PACRG: variants seen among roughly 807,000 people sequenced by gnomAD.
The protein encoded by PACRG is parkin coregulated.
PACRG carries 29 observed loss-of-function variants against 29.7 expected under a neutral mutation model. The ratio of observed to expected loss-of-function variants is 0.98; its 90% CI spans 0.73 to 1.33. PACRG has a LOEUF of 1.33. Ranked by LOEUF, PACRG falls within the 40% of genes most tolerant of loss-of-function variation. The pLI, the probability that PACRG is intolerant of heterozygous loss-of-function variation, is 0.00. For synonymous variants in PACRG, 116 were observed against 118.7 expected, an observed-to-expected ratio of 0.98 and a Z score of 0.15; for missense variants, 279 against 316.2, an observed-to-expected ratio of 0.88 and a Z score of 0.89.
chr6:163,162,510 C>T (rs1267765599), intron 4 of PACRG, among the ~76,000 whole-genome samples: 2 of 152,238 alleles, frequency 1.3e-5, no homozygotes, highest in Non-Finnish European at 2.9e-5. Context: ...ATTTCTTCCT[C>T]TCCTGCTCCA....
At chr6:163,126,837 G>C (rs1816535096) in intron 4 of PACRG, among the ~76,000 whole-genome samples, 2 of 152,204 alleles carry the variant, frequency 1.3e-5, no homozygotes, top group Admixed American at 1.3e-4. Context: ...TTCTTGTTTT[G>C]CTCAGCTCTG....
intron 4 of PACRG, among the ~76,000 whole-genome samples, chr6:163,171,679 C>T (rs1779093757): frequency 6.6e-6 from 1 of 152,212 alleles, no homozygotes; most frequent in African/African-American, 2.4e-5. Flanking sequence ...CTTCCATCAG[C>T]TGTGGCCAGC....
At chr6:162,827,071 G>C (rs188490410) in intron 2 of PACRG, among the ~76,000 whole-genome samples, 4 of 152,078 alleles carry the variant, frequency 2.6e-5, no homozygotes, top group African/African-American at 9.6e-5. Flanking sequence ...AGAGTTGCTT[G>C]GGTAATGATT....
chr6:163,053,711 A>G (rs2128250675), intron 2 of PACRG, among the ~76,000 whole-genome samples: 1 of 152,314 alleles, frequency 6.6e-6, no homozygotes, highest in Non-Finnish European at 1.5e-5. Flanking sequence ...AAGTTGTAGA[A>G]TACATAAATT....
intron 4 of PACRG, chr6:163,166,297 G>C (rs1369701620): frequency 9.2e-6 from 4 of 432,922 alleles, no homozygotes; most frequent in South Asian, 4.9e-5. Flanking sequence ...ATGTAGATTA[G>C]AATCGGCCCT....
intron 1 of PACRG, among the ~76,000 whole-genome samples, chr6:162,739,547 T>A (rs1427039506): frequency 6.6e-6 from 1 of 152,142 alleles, no homozygotes; most frequent in African/African-American, 2.4e-5. Context: ...TTGGTGTTTT[T>A]AAAAAATTTT....
intron 2 of PACRG, among the ~76,000 whole-genome samples, chr6:162,833,687 T>G (rs1788974017): frequency 6.6e-6 from 1 of 152,086 alleles, no homozygotes; most frequent in Non-Finnish European, 1.5e-5. Context: ...TCATGTCTTT[T>G]GCCCACTTTT....
intron 4 of PACRG, among the ~76,000 whole-genome samples, chr6:163,237,307 A>G (rs1215303990): frequency 1.3e-5 from 2 of 152,156 alleles, no homozygotes; most frequent in Non-Finnish European, 2.9e-5. Flanking sequence ...TGATTGTTCC[A>G]TAAAATATAT....
chr6:163,037,370 G>A (rs1172265704), intron 2 of PACRG, among the ~76,000 whole-genome samples: 1 of 152,182 alleles, frequency 6.6e-6, no homozygotes, highest in Non-Finnish European at 1.5e-5. Context: ...GAGCTCCAAG[G>A]TCCTCTTCAC....
At chr6:162,852,005 G>GAGGAAGGAA (rs1554291944) in intron 2 of PACRG, among the ~76,000 whole-genome samples, 5 of 116,032 alleles carry the variant, frequency 4.3e-5, no homozygotes, top group Non-Finnish European at 8.9e-5. Context: ...GGGAGGGAGG[G>GAGGAAGGAA]AGGAAGGAAG....
At chr6:163,019,708 T>G (rs554434320) in intron 2 of PACRG, among the ~76,000 whole-genome samples, 89 of 152,330 alleles carry the variant, frequency 5.8e-4, no homozygotes, top group African/African-American at 2.1e-3. Flanking sequence ...GCCTTATATT[T>G]TAAGGACCAT....
In PACRG at chr6:163,294,733, G is replaced by A. The variant is rs530114965; in HGVS notation, c.614-20094G>A. ...GATAACTTGAAAGCTATAGATGGAT[G>A]ATAGATTAGCTAGATAATAATAGAG... On this transcript the variant is annotated intron_variant, in intron 4 of 4. Transcript: ENST00000366888. Among the ~76,000 whole-genome samples the A allele has an allele frequency of 2.0e-5, 3 of 152,320 alleles. No homozygotes were observed. In the South Asian group the frequency reaches 6.2e-4, roughly 32 times the overall value.
At chr6:163,079,418 A>AG (rs928896671) in intron 3 of PACRG, among the ~76,000 whole-genome samples, 47 of 151,764 alleles carry the variant, frequency 3.1e-4, no homozygotes, top group Non-Finnish European at 2.9e-4. Flanking sequence ...AAAAAAAAAA[A>AG]AAAGAAAGAA....
At chr6:162,977,326 C>A (rs1284802784) in intron 2 of PACRG, among the ~76,000 whole-genome samples, 1 of 151,696 alleles carries the variant, frequency 6.6e-6, no homozygotes, top group African/African-American at 2.4e-5. Flanking sequence ...TGTAAAAGTC[C>A]TTCTTCTGAA....
At chr6:163,040,671 A>C (rs1346711815) in intron 2 of PACRG, among the ~76,000 whole-genome samples, 1 of 152,166 alleles carries the variant, frequency 6.6e-6, no homozygotes, top group African/African-American at 2.4e-5. Flanking sequence ...GAGATTTTGG[A>C]GCTTTAAAAT....
intron 1 of PACRG, among the ~76,000 whole-genome samples, chr6:162,763,905 A>T (rs183797846): frequency 6.6e-6 from 1 of 152,302 alleles, no homozygotes; most frequent in East Asian, 1.9e-4. Flanking sequence ...ATGTATTTTT[A>T]AAAACTCGAC....
intron 2 of PACRG, among the ~76,000 whole-genome samples, chr6:162,831,586 C>T (rs1329992777): frequency 6.6e-6 from 1 of 152,138 alleles, no homozygotes; most frequent in Non-Finnish European, 1.5e-5. Flanking sequence ...TTTGCGGCAC[C>T]TATCAACCCA....
chr6:162,809,028 A>T (rs1188203336), intron 1 of PACRG, among the ~76,000 whole-genome samples: 1 of 151,324 alleles, frequency 6.6e-6, no homozygotes, highest in Non-Finnish European at 1.5e-5. Flanking sequence ...GATTTTTTTT[A>T]TGTACAGATG....
chr6:162,790,514 C>G (rs950442560), intron 1 of PACRG, among the ~76,000 whole-genome samples: 1 of 149,802 alleles, frequency 6.7e-6, no homozygotes, highest in African/African-American at 2.5e-5. Flanking sequence ...ATAGTTTTCT[C>G]CATATATATA....
Sources: gnomAD v4.1 joint callset for allele counts (sites outside exome capture counted in the v4.1 genomes callset) on GRCh38, gnomAD v4.1.1 for gene constraint, MANE v1.5 for transcripts, NCBI Gene and HGNC (gene_info 2026-07-23, HGNC 2026-07-21) for gene names.